Variants in COL5A1 observed in about 807,000 individuals in gnomAD.
The protein encoded by COL5A1 is collagen type V alpha 1 chain, also known as collagen alpha-1(V) chain.
A neutral mutation model predicts 263.7 loss-of-function variants in COL5A1; 16 were observed. The ratio of observed to expected loss-of-function variants is 0.06; its 90% CI spans 0.04 to 0.09. The LOEUF (loss-of-function observed/expected upper bound fraction) is 0.09. Ranked by LOEUF, COL5A1 falls within the 10% of genes least tolerant of loss-of-function variation. The probability of loss-of-function intolerance (pLI) is 1.00; values close to 1 mark genes in which losing one functional copy is unlikely to be tolerated. For missense variants in COL5A1, 2,036 were observed against 2,540.5 expected (o/e 0.80, Z 4.27); for synonymous variants, 1,012 against 1,004.5 (o/e 1.01, Z -0.14).
chr9:134,835,450 A>G (rs910583896), intron 65 of COL5A1, among the ~76,000 whole-genome samples: 3 of 152,208 alleles, frequency 2.0e-5, no homozygotes, highest in African/African-American at 7.2e-5. Context: ...CCTGGCCGGA[A>G]AAGCCAGGGG....
rs558156251 is a variant in COL5A1, at chr9:134,840,078, C to T, written c.5371-2079C>T. Among the ~76,000 whole-genome samples, 6 of 152,376 alleles carry T rather than the reference C, an allele frequency of 3.9e-5. No homozygotes were observed. In the South Asian group the frequency reaches 6.2e-4, roughly 16 times the overall value. On this transcript the variant is annotated intron_variant, in intron 65 of 65. Coordinates refer to ENST00000371817, the MANE Select transcript of COL5A1 (RefSeq NM_000093.5). ...GTTTCTCAAAGGCCAGTCATGACCA[C>T]GCCTATCAGAATTGTCTGAGACACC...
rs758142215 is a variant in COL5A1, at chr9:134,821,430, C to T, written c.4555-667C>T. Among the ~76,000 whole-genome samples the T allele has an allele frequency of 3.5e-4, 53 of 152,162 alleles. No homozygotes were observed. Among genetic ancestry groups the T allele is most frequent in the Admixed American group, 3.3e-3 (51 of 15,280 alleles). On this transcript the variant is annotated intron_variant, in intron 58 of 65. Transcript: ENST00000371817. The surrounding 1 kb of genome is among the most constrained non-coding windows in gnomAD (Gnocchi z 4.2). Reference sequence around the variant, plus strand: ...CAGTGAAATACGGCCATCAGCCCTCCGCTACCCTCGCCCCCAGCTTCTGCC... The same window carrying T: ...CAGTGAAATACGGCCATCAGCCCTCTGCTACCCTCGCCCCCAGCTTCTGCC...
Position 134,825,924 on chromosome 9 carries a change from C to G in COL5A1, c.5067+20C>G, listed in dbSNP as rs112600748. The G allele has an allele frequency of 3.2e-3, 4,883 of 1,548,826 alleles. 116 individuals carry two copies. The African/African-American group carries it at 0.054, about 17-fold the overall frequency. ...GAAGGGGTGAGTAGCTGTGTCCCTC[C>G]ATGGCCCCAGCGGGGCAGGCGTCAC... On this transcript the variant is annotated intron_variant, in intron 63 of 65. Coordinates refer to ENST00000371817, the MANE Select transcript of COL5A1 (RefSeq NM_000093.5).
rs764609002 is a variant in COL5A1, at chr9:134,753,880, G to A, written c.1750G>A (p.Glu584Lys). Residue 584 changes from glutamate to lysine, a missense_variant, in exon 15 of 66, where the codon GAG becomes AAG. Transcript: ENST00000371817. ...GPPGSGGLKGEPGDVGPQGPR... is the reference protein window; with the variant it reads ...GPPGSGGLKGKPGDVGPQGPR... ...CCCTGGGAGCGGAGGTTTGAAGGGC[G>A]AGCCGGGAGACGTGGGGCCTCAGGT... The A allele has an allele frequency of 6.2e-6, 10 of 1,613,342 alleles. No homozygotes were observed. The East Asian group carries it at 6.7e-5, about 11-fold the overall frequency.
rs567653698 is a variant in COL5A1 at position 134,766,749 on chromosome 9, C to T, written c.2133+251C>T. On this transcript the variant is annotated intron_variant, in intron 22 of 65. Coordinates refer to ENST00000371817, the MANE Select transcript of COL5A1 (RefSeq NM_000093.5). ...TTCCTCTCACGTGTTCCTTCCTGGT[C>T]GGATGTCTGGGCATATTTGCATAAA... Among the ~76,000 whole-genome samples the T allele has an allele frequency of 8.5e-5, 13 of 152,282 alleles. No individual in the cohort carries two copies. In the Middle Eastern group the frequency reaches 0.01, roughly 120 times the overall value.
intron 1 of COL5A1, among the ~76,000 whole-genome samples, chr9:134,687,948 C>T (rs1021328990): frequency 3.9e-5 from 6 of 152,206 alleles, no homozygotes; most frequent in African/African-American, 1.4e-4. Context: ...GTCCACCTGT[C>T]CCCAAAGCTT....
rs376120573 is a variant in COL5A1 at position 134,782,651 on chromosome 9, C to G, written c.2431-16C>G. 2.5e-6 allele frequency: 4 copies of G among 1,613,758 alleles called. No homozygotes were observed. The highest frequency in any genetic ancestry group is 3.4e-6 in the Non-Finnish European group (4 of 1,179,788). On this transcript the variant is annotated splice_polypyrimidine_tract_variant and intron_variant, in intron 28 of 65. Transcript: ENST00000371817. ...CCTCTTGCCTAGACTAGGGCACTCTCTTGTCCCATATTCAGGGTGAAGACG... is the reference window on the plus strand; with the variant it reads ...CCTCTTGCCTAGACTAGGGCACTCTGTTGTCCCATATTCAGGGTGAAGACG...
intron 14 of COL5A1, among the ~76,000 whole-genome samples, 165 bp downstream of exon 14, chr9:134,752,810 C>T (rs1250633615): frequency 2.0e-5 from 3 of 151,884 alleles, no homozygotes; most frequent in Admixed American, 2.0e-4. Flanking sequence ...AGGGGCCTCT[C>T]TCGGTGCTGC....
At position 134,815,364 on chromosome 9, in the gene COL5A1, C is replaced by T. The variant is rs144404774; in HGVS notation, c.4015-212C>T. 8.5e-3 allele frequency among the ~76,000 whole-genome samples: 1,300 copies of T among 152,350 alleles called. 13 individuals are homozygous for T. The highest frequency in any genetic ancestry group is 0.017 in the Middle Eastern group (5 of 294). Reference sequence around the variant, plus strand: ...AAGCAAGAGACCAGCTGACCCCTGCCATGCCCACTGGCCAGGCTTGCTGGC... The same window carrying T: ...AAGCAAGAGACCAGCTGACCCCTGCTATGCCCACTGGCCAGGCTTGCTGGC... On this transcript the variant is annotated intron_variant, in intron 50 of 65. Transcript: ENST00000371817.
chr9:134,795,386 C>A, intron 34 of COL5A1, 71 bp downstream of exon 34: 1 of 1,290,586 alleles, frequency 7.7e-7, no homozygotes, highest in Non-Finnish European at 1.1e-6. Context: ...CGTGGAGCGT[C>A]TGAGGGTGTC....
intron 31 of COL5A1, among the ~76,000 whole-genome samples, chr9:134,787,973 A>G (rs532838184): frequency 2.1e-4 from 32 of 152,290 alleles, no homozygotes; most frequent in Non-Finnish European, 2.9e-5. Flanking sequence ...GAGGATGGAT[A>G]AAGAGATAGG....
At chr9:134,732,157 G>A (rs748597606) in intron 9 of COL5A1, 30 bp downstream of exon 9, 32 of 1,613,010 alleles carry the variant, frequency 2.0e-5, no homozygotes, top group Non-Finnish European at 2.5e-5. Flanking sequence ...CCCTCCCTGC[G>A]CCGGGGTGTC....
chr9:134,759,260 G>C (rs1043055731), intron 18 of COL5A1, among the ~76,000 whole-genome samples: 3 of 135,300 alleles, frequency 2.2e-5, no homozygotes, highest in Non-Finnish European at 4.8e-5. Context: ...ATGTGTGCGC[G>C]CACACACTCA....
rs1490616328 is a variant in COL5A1, at chr9:134,802,952, G to C, written c.3071G>C (p.Gly1024Ala). 2 of 1,610,914 alleles carry C rather than the reference G, an allele frequency of 1.2e-6. No individual in the cohort carries two copies. ...RGHPGPPGPP[G>A]EQGLPGLAGK... ...CACCCTGGGCCCCCTGGACCCCCCG[G>C]TGAACAGGGGCTTCCGGGCCTTGCT... The change falls in exon 39 of 66, where the codon GGT (glycine) becomes GCT (alanine). Residue 1024 changes from glycine (G) to alanine (A), a missense_variant. Physicochemically the swap from Gly to Ala is moderately conservative, Grantham distance 60. Around this residue, in one of 3 missense-constraint regions of COL5A1, gnomAD observed 1,078 missense variants for 1,521.4 expected, o/e 0.71. Coordinates refer to ENST00000371817, the MANE Select transcript of COL5A1 (RefSeq NM_000093.5).
At position 134,773,390 on chromosome 9, in the gene COL5A1, C is replaced by T. The variant is rs575448936; in HGVS notation, c.2331+556C>T. Among the ~76,000 whole-genome samples the T allele has an allele frequency of 4.5e-4, 68 of 152,276 alleles. 1 individual carries two copies. In the South Asian group the frequency reaches 0.01, roughly 23 times the overall value. ...TGACAAAGCTGCTGGGCTGCAAGCA[C>T]CTCTGTGGGAAGAGCCTCCAGACGG... is the stretch of plus-strand genomic sequence containing the variant. On this transcript the variant is annotated intron_variant, in intron 26 of 65. Transcript: ENST00000371817.
At chr9:134,827,153 C>G (rs546503403) in intron 63 of COL5A1, among the ~76,000 whole-genome samples, 115 of 152,346 alleles carry the variant, frequency 7.5e-4, no homozygotes, top group African/African-American at 2.7e-3. Context: ...CCCCTGCAGC[C>G]TCTGCTTCCT....
intron 1 of COL5A1, among the ~76,000 whole-genome samples, chr9:134,662,285 C>T (rs767058145): frequency 2.6e-5 from 4 of 152,214 alleles, no homozygotes; most frequent in Non-Finnish European, 5.9e-5. Flanking sequence ...CCCTGACTTC[C>T]AGGCCGCTCA....
At position 134,821,759 on chromosome 9, in the gene COL5A1, T is replaced by C. The variant is rs544469409; in HGVS notation, c.4555-338T>C. On this transcript the variant is annotated intron_variant, in intron 58 of 65. Coordinates refer to ENST00000371817, the MANE Select transcript of COL5A1 (RefSeq NM_000093.5). This position sits in a 1 kb window ranked among gnomAD's most constrained non-coding sequence, Gnocchi z 4.2. ...AGAGGGGCCCAAGCCAGGGCCACAA[T>C]GTCAGGGCAGTGGTTTCTGTATTTC... Among the ~76,000 whole-genome samples the C allele has an allele frequency of 3.3e-5, 5 of 152,314 alleles. No homozygotes were observed. Among genetic ancestry groups the C allele is most frequent in the South Asian group, 2.1e-4 (1 of 4,828 alleles).
intron 53 of COL5A1, 138 bp downstream of exon 53, chr9:134,817,217 A>T (rs1002992802): frequency 3.9e-6 from 3 of 766,018 alleles, no homozygotes; most frequent in Non-Finnish European, 2.2e-6. Context: ...CATGTTCTCC[A>T]CTTAGCCTCG....
Sources: allele counts gnomAD v4.1 joint callset (sites outside exome capture counted in the v4.1 genomes callset), GRCh38; gene constraint gnomAD v4.1.1; regional missense constraint gnomAD v4.1.1; non-coding constraint Gnocchi (gnomAD v3.1); transcripts MANE v1.5; gene names NCBI Gene and HGNC (gene_info 2026-07-23, HGNC 2026-07-21).